The following AGT variants were observed in gnomAD, a reference collection of about 807,000 sequenced individuals.
AGT encodes alpha-1 antiproteinase, antitrypsin.
A neutral mutation model predicts 28.1 loss-of-function variants in AGT; 26 were observed. That is an observed-to-expected ratio of 0.92 (90% CI 0.68 to 1.28). The LOEUF (loss-of-function observed/expected upper bound fraction) is 1.28, where lower values mean the gene tolerates loss of function less well. Ranked by LOEUF, AGT falls within the 50% of genes most tolerant of loss-of-function variation. The pLI, the probability that AGT is intolerant of heterozygous loss-of-function variation, is 0.00. For synonymous variants in AGT, 259 were observed against 259.6 expected (o/e 1.00, Z 0.02); for missense variants, 596 against 592.3 (o/e 1.01, Z -0.06).
chr1:230,731,075 T>A (rs1400706235), intron 1 of AGT, among the ~76,000 whole-genome samples: 1 of 152,220 alleles, frequency 6.6e-6, no homozygotes, highest in East Asian at 1.9e-4. Flanking sequence ...GACAGAACTT[T>A]GTATCAGGCC....
chr1:230,738,499 A>G (rs1664190326), intron 1 of AGT, among the ~76,000 whole-genome samples: 1 of 152,128 alleles, frequency 6.6e-6, no homozygotes, highest in Admixed American at 6.5e-5. Context: ...TTTCCTAGAG[A>G]CCCAAGCTAA....
Position 230,742,162 on chromosome 1 carries a change from ACTC to A in AGT, c.-31+3350_-31+3352del, listed in dbSNP as rs111784079. ...TCCCCACATTCCTCTACCCCCATCT[ACTC>A]CACCTACCCCCAGAAAACAGAACCA... On this transcript the variant is annotated intron_variant, in intron 1 of 4. Transcript: ENST00000681269. 1.6e-3 allele frequency among the ~76,000 whole-genome samples: 244 copies of A among 152,042 alleles called. 3 individuals carry two copies. The highest frequency in any genetic ancestry group is 5.8e-3 in the African/African-American group (239 of 41,448).
At chr1:230,719,379 A>ATTTTT (rs1260529638), upstream of AGT, among the ~76,000 whole-genome samples, 4 of 133,362 alleles carry the variant, frequency 3.0e-5, no homozygotes, top group South Asian at 4.9e-4. Context: ...ATTTCTTTCT[A>ATTTTT]TTTTTTATTA....
At chr1:230,710,911 T>A in intron 1 of AGT, 58 bp from the exon 2 acceptor site, 1 of 1,568,670 alleles carries the variant, frequency 6.4e-7, no homozygotes, top group Non-Finnish European at 8.7e-7. Flanking sequence ...TTAAGTGCCA[T>A]CTAACCAGAT....
Position 230,702,636 on chromosome 1 carries a change from C to A in AGT, c.*505G>T. Reference sequence around the variant, plus strand: ...GTGCTTGCATCTTTCACGTATTGTTCAAAAATCACAAGCATCTGTGGAAAA... The same window carrying A: ...GTGCTTGCATCTTTCACGTATTGTTAAAAAATCACAAGCATCTGTGGAAAA... On this transcript the variant is annotated 3_prime_UTR_variant, in exon 5 of 5. Transcript: ENST00000366667. The A allele has an allele frequency of 6.2e-6, 1 of 160,692 alleles. No homozygotes were observed. Among genetic ancestry groups the A allele is most frequent in the Admixed American group, 5.7e-5 (1 of 17,470 alleles). 10.0% of individuals were successfully genotyped at this position (160,692 alleles called of 1,614,324 possible).
At chr1:230,729,428 A>G (rs1211623749) in intron 1 of AGT, among the ~76,000 whole-genome samples, 1 of 152,220 alleles carries the variant, frequency 6.6e-6, no homozygotes, top group African/African-American at 2.4e-5. Flanking sequence ...TTGTAATTAT[A>G]AGCACTTTCT....
intron 1 of AGT, among the ~76,000 whole-genome samples, chr1:230,737,949 A>G (rs1664184488): frequency 6.8e-6 from 1 of 148,004 alleles, no homozygotes; most frequent in Admixed American, 6.9e-5. Context: ...ATAGATTTCC[A>G]TAGTCTGTTG....
intron 1 of AGT, among the ~76,000 whole-genome samples, chr1:230,741,333 T>C (rs1345405203): frequency 1.3e-5 from 2 of 152,194 alleles, no homozygotes; most frequent in African/African-American, 2.4e-5. Flanking sequence ...AGAGAAGCTA[T>C]AGGCAGCTTG....
intron 1 of AGT, among the ~76,000 whole-genome samples, chr1:230,736,309 G>A (rs1424723744): frequency 6.6e-6 from 1 of 152,046 alleles, no homozygotes; most frequent in African/African-American, 2.4e-5. Context: ...AGATCATGAG[G>A]TCGGGAGATT....
intron 1 of AGT, among the ~76,000 whole-genome samples, chr1:230,740,249 C>A (rs1024996657): frequency 3.3e-5 from 5 of 152,180 alleles, no homozygotes; most frequent in African/African-American, 9.7e-5. Flanking sequence ...AGGTCACTTT[C>A]ATCGCCATCT....
intron 1 of AGT, among the ~76,000 whole-genome samples, chr1:230,711,387 T>C (rs1022919724): frequency 1.3e-5 from 2 of 152,154 alleles, no homozygotes; most frequent in African/African-American, 4.8e-5. Context: ...CCCAGGCTTC[T>C]AGCTTCCAGA....
intron 1 of AGT, among the ~76,000 whole-genome samples, chr1:230,743,814 G>C (rs749780787): frequency 6.6e-6 from 1 of 152,210 alleles, no homozygotes; most frequent in Non-Finnish European, 1.5e-5. Context: ...GAGCCACCCA[G>C]GCACTATGTT....
At position 230,710,074 on chromosome 1, in the gene AGT, TG is replaced by T; in HGVS notation, c.749del (p.Thr250LysfsTer9). 4 of 1,614,196 alleles carry T rather than the reference TG, an allele frequency of 2.5e-6. No individual in the cohort carries two copies. The highest frequency in any genetic ancestry group is 3.4e-6 in the Non-Finnish European group (4 of 1,180,030). On this transcript the variant is annotated frameshift_variant, in exon 2 of 5. Transcript: ENST00000366667. LOFTEE classifies it high-confidence loss of function. Reference sequence around the variant, plus strand: ...TCAGGGAGCAGCCAGTCTTCCATCCTGTCACAGCCTGCATGAACCTGTCAAT... The same window carrying T: ...TCAGGGAGCAGCCAGTCTTCCATCCTTCACAGCCTGCATGAACCTGTCAAT... ...EKIDRFMQAV[T>X]GWKTGCSLMG...
chr1:230,731,933 A>T (rs1664077679), intron 1 of AGT, among the ~76,000 whole-genome samples: 1 of 151,996 alleles, frequency 6.6e-6, no homozygotes, highest in Non-Finnish European at 1.5e-5. Flanking sequence ...TAAGGCACAA[A>T]TCTTGCTGTT....
intron 1 of AGT, among the ~76,000 whole-genome samples, chr1:230,727,945 C>T (rs1663975070): frequency 6.6e-6 from 1 of 152,116 alleles, no homozygotes; most frequent in Non-Finnish European, 1.5e-5. Context: ...GAACAGGACA[C>T]CAGAGTTTTA....
intron 1 of AGT, among the ~76,000 whole-genome samples, chr1:230,736,158 G>A (rs1288361664): frequency 1.3e-5 from 2 of 148,364 alleles, no homozygotes; most frequent in East Asian, 3.9e-4. Context: ...TATGTTTAAG[G>A]CAAAGTTTGT....
intron 1 of AGT, among the ~76,000 whole-genome samples, chr1:230,713,811 A>T (rs764506281): frequency 6.6e-6 from 1 of 152,162 alleles, no homozygotes; most frequent in Non-Finnish European, 1.5e-5. Context: ...TTCCTGTACC[A>T]GTCTGCTCCG....
chr1:230,734,862 A>G (rs1664127022), intron 1 of AGT, among the ~76,000 whole-genome samples: 1 of 151,784 alleles, frequency 6.6e-6, no homozygotes, highest in Admixed American at 6.6e-5. Context: ...GGCGCCTGCC[A>G]CCACGCCTGG....
At chr1:230,706,949 C>T (rs539988339) in intron 2 of AGT, among the ~76,000 whole-genome samples, 16 of 152,348 alleles carry the variant, frequency 1.1e-4, no homozygotes, top group Admixed American at 9.1e-4. Context: ...TCCTGTGGCC[C>T]CCACCCTCCC....
Sources: allele counts gnomAD v4.1 joint callset (sites outside exome capture counted in the v4.1 genomes callset), GRCh38; gene constraint gnomAD v4.1.1; transcripts MANE v1.5; gene names NCBI Gene and HGNC (gene_info 2026-07-23, HGNC 2026-07-21).